FLT3: variants seen among roughly 807,000 people sequenced by gnomAD.
FLT3 encodes the protein receptor-type tyrosine-protein kinase FLT3.
In FLT3, 46 loss-of-function variants were observed where a neutral mutation model predicts 126.6. The ratio of observed to expected loss-of-function variants is 0.36; its 90% CI spans 0.29 to 0.46. FLT3 has a LOEUF of 0.46. FLT3 is among the 20% of genes least tolerant of loss of function. FLT3 has a pLI of 1.00. For missense variants in FLT3, 1,069 were observed against 1,190.3 expected (o/e 0.90, Z 1.50); for synonymous variants, 404 against 434.4 (o/e 0.93, Z 0.87).
At chr13:28,055,862 G>A (rs59917555) in intron 4 of FLT3, among the ~76,000 whole-genome samples, 12,019 of 152,096 alleles carry the variant, frequency 0.079, 1,569 homozygotes, top group African/African-American at 0.27. Context: ...CCTGGGGCAC[G>A]TATTTACTGT....
intron 1 of FLT3, among the ~76,000 whole-genome samples, chr13:28,098,607 T>C (rs1879625482): frequency 1.3e-5 from 2 of 152,164 alleles, no homozygotes; most frequent in South Asian, 2.1e-4. Flanking sequence ...ATCCAGGAAT[T>C]CTACTTGTGG....
intron 1 of FLT3, among the ~76,000 whole-genome samples, chr13:28,094,547 T>TA (rs1186333175): frequency 6.6e-6 from 1 of 152,222 alleles, no homozygotes; most frequent in Non-Finnish European, 1.5e-5. Context: ...TCACCCACGT[T>TA]AGAGTACAGT....
intron 9 of FLT3, among the ~76,000 whole-genome samples, chr13:28,038,475 CAG>C (rs947686463): frequency 2.7e-5 from 4 of 148,178 alleles, no homozygotes; most frequent in Non-Finnish European, 5.9e-5. Flanking sequence ...TTTCTTGAGA[CAG>C]AGTCTCGCTC....
intron 22 of FLT3, among the ~76,000 whole-genome samples, 158 bp from the exon 23 acceptor site, chr13:28,014,715 C>T (rs960956649): frequency 2.6e-5 from 4 of 152,080 alleles, no homozygotes; most frequent in East Asian, 1.9e-4. Flanking sequence ...GAATTCATAT[C>T]CGAAAGGAGA....
At chr13:28,059,429 G>T (rs1876338553) in intron 3 of FLT3, among the ~76,000 whole-genome samples, 1 of 152,122 alleles carries the variant, frequency 6.6e-6, no homozygotes, top group Admixed American at 6.5e-5. Context: ...ACAGCAGGGG[G>T]CAGCAATCAG....
intron 1 of FLT3, 145 bp from the exon 2 acceptor site, chr13:28,070,757 G>A (rs1877434742): frequency 8.0e-6 from 5 of 627,498 alleles, no homozygotes; most frequent in Non-Finnish European, 1.4e-5. Context: ...TTGATTTTAT[G>A]CAAGTTTAGT....
intron 3 of FLT3, among the ~76,000 whole-genome samples, chr13:28,058,454 G>A (rs1876236125): frequency 6.6e-6 from 1 of 152,096 alleles, no homozygotes; most frequent in African/African-American, 2.4e-5. Context: ...GGAGGTTGCG[G>A]TGAGCCAAGA....
chr13:28,004,505 T>G (rs921555621), intron 23 of FLT3, among the ~76,000 whole-genome samples: 4 of 152,090 alleles, frequency 2.6e-5, no homozygotes, highest in African/African-American at 9.7e-5. Flanking sequence ...AAAGTCTCAC[T>G]ATGTTGTCCA....
intron 1 of FLT3, among the ~76,000 whole-genome samples, chr13:28,095,523 C>A (rs1879397085): frequency 6.6e-6 from 1 of 152,168 alleles, no homozygotes; most frequent in African/African-American, 2.4e-5. Context: ...ATCTGCCCAC[C>A]TTGGCCTCCC....
chr13:28,019,332 G>A (rs1490047464), intron 19 of FLT3, among the ~76,000 whole-genome samples: 4 of 151,910 alleles, frequency 2.6e-5, no homozygotes, highest in Non-Finnish European at 2.9e-5. Context: ...GGAAATAATC[G>A]GAAAAACAAA....
At chr13:28,078,045 T>A (rs1156758365) in intron 1 of FLT3, among the ~76,000 whole-genome samples, 1 of 152,206 alleles carries the variant, frequency 6.6e-6, no homozygotes, top group Non-Finnish European at 1.5e-5. Context: ...CTTTGCAGGG[T>A]ACAGCCTCCC....
intron 20 of FLT3, among the ~76,000 whole-genome samples, chr13:28,016,964 A>G (rs919656867): frequency 6.6e-6 from 1 of 152,140 alleles, no homozygotes; most frequent in African/African-American, 2.4e-5. Context: ...TCCCACATCA[A>G]CGCTATGAGG....
intron 1 of FLT3, among the ~76,000 whole-genome samples, chr13:28,073,687 G>A (rs575466112): frequency 2.0e-5 from 3 of 151,972 alleles, no homozygotes; most frequent in East Asian, 1.9e-4. Flanking sequence ...TAATCCCAGC[G>A]CTTTGGGAGG....
chr13:28,063,294 C>A (rs1199272749), intron 2 of FLT3, among the ~76,000 whole-genome samples: 3 of 152,076 alleles, frequency 2.0e-5, no homozygotes, highest in African/African-American at 7.2e-5. Context: ...GCCTGGCCAA[C>A]ATGGTGAAAC....
At chr13:28,048,474 G>A in intron 8 of FLT3, 31 bp from the exon 9 acceptor site, 6 of 1,381,174 alleles carry the variant, frequency 4.3e-6, no homozygotes, top group Non-Finnish European at 6.2e-6. Context: ...TTATGAGTTA[G>A]TTAATAATAT....
chr13:28,016,533 TGCTGGGATTACA>T (rs1357886219), intron 20 of FLT3, among the ~76,000 whole-genome samples: 3 of 152,190 alleles, frequency 2.0e-5, no homozygotes, highest in Non-Finnish European at 4.4e-5. Flanking sequence ...CCTCCCAAAG[TGCTGGGATTACA>T]GCTGTGAGCC....
chr13:28,095,428 A>C (rs1405612527), intron 1 of FLT3, among the ~76,000 whole-genome samples: 1 of 152,118 alleles, frequency 6.6e-6, no homozygotes, highest in Admixed American at 6.5e-5. Flanking sequence ...GGCGTGCGCC[A>C]CCACACCCAG....
In FLT3 at chr13:28,081,920, G is replaced by T. The variant is rs368437630; in HGVS notation, c.44-11308C>A. On this transcript the variant is annotated intron_variant, in intron 1 of 23. Coordinates refer to ENST00000241453, the MANE Select transcript of FLT3 (RefSeq NM_004119.3). ...CGCCCAGGCTGGAGTACAATGGTGC[G>T]ATCTTGGCTCACTGCAACCTCCATC... Among the ~76,000 whole-genome samples, 4 of 121,100 alleles carry T rather than the reference G, an allele frequency of 3.3e-5. No homozygotes were observed. The East Asian group carries it at 8.8e-4, about 27-fold the overall frequency. 79.4% of individuals were successfully genotyped at this position (121,100 alleles called of 152,430 possible).
chr13:28,035,747 G>T, intron 11 of FLT3, 74 bp from the exon 12 acceptor site: 1 of 1,461,986 alleles, frequency 6.8e-7, no homozygotes, highest in Non-Finnish European at 9.3e-7. Flanking sequence ...TCTGCAGCGA[G>T]TTCTAAAAGA....
Sources: allele counts gnomAD v4.1 joint callset (sites outside exome capture counted in the v4.1 genomes callset), GRCh38; gene constraint gnomAD v4.1.1; transcripts MANE v1.5; gene names NCBI Gene and HGNC (gene_info 2026-07-23, HGNC 2026-07-21).